GTF2H2C: variants seen among roughly 807,000 people sequenced by gnomAD.
GTF2H2C encodes general transcription factor IIH subunit 2-like protein.
Under a neutral mutation model 24.8 loss-of-function variants are expected in GTF2H2C, and 5 were observed. That is an observed-to-expected ratio of 0.20 (90% confidence interval 0.11 to 0.42). GTF2H2C has a LOEUF of 0.42. GTF2H2C is among the 20% of genes least tolerant of loss of function. The pLI is 1.00. For missense variants in GTF2H2C, 45 were observed against 169.8 expected (o/e 0.27, Z 4.08); for synonymous variants, 14 against 52.6 (o/e 0.27, Z 3.18).
rs1200031326 is a variant in GTF2H2C, at chr5:69,593,685, C to G, written c.*1487C>G. 7.5e-4 allele frequency: 13 copies of G among 17,312 alleles called. No individual in the cohort carries two copies. Among genetic ancestry groups the G allele is most frequent in the Admixed American group, 1.3e-3 (2 of 1,588 alleles). The allele number at this position is 17,312 out of a possible 1,614,324, so 1.1% of individuals were successfully genotyped here. ...GGCGCGGTGGCTCACGCCTGTAATCCTAGCACTTTGGGAGGCCGAGGCGGG... is the reference window on the plus strand; with the variant it reads ...GGCGCGGTGGCTCACGCCTGTAATCGTAGCACTTTGGGAGGCCGAGGCGGG... On this transcript the variant is annotated 3_prime_UTR_variant, in exon 17 of 17. Transcript: ENST00000380729.
rs4081993 is a variant in GTF2H2C at position 69,560,289 on chromosome 5, C to T, written c.-246C>T. On this transcript the variant is annotated 5_prime_UTR_variant, in exon 1 of 17. Transcript: ENST00000380729. ...TGTGAGGCGCAGAGGTGGGGCAGGC[C>T]GTCTGACTAGCTAGGCGGCTGGGAG... 18,291 of 152,122 alleles carry T rather than the reference C, an allele frequency of 0.12. 1,245 individuals carry two copies. The highest frequency in any genetic ancestry group is 0.16 in the Admixed American group (2,447 of 15,270). 9.4% of individuals were successfully genotyped at this position (152,122 alleles called of 1,614,324 possible). A position where few individuals can be genotyped will look rare whatever the true frequency, so the allele number is the denominator to read the frequency against.
chr5:69,563,509 T>G (rs535616910), intron 2 of GTF2H2C, among the ~76,000 whole-genome samples: 123 of 150,378 alleles, frequency 8.2e-4, no homozygotes, highest in Middle Eastern at 3.4e-3. Context: ...CCACTGCACC[T>G]GGCCCTGGCC....
chr5:69,563,836 G>C (rs752705378), intron 2 of GTF2H2C, among the ~76,000 whole-genome samples: 43 of 152,008 alleles, frequency 2.8e-4, no homozygotes, highest in African/African-American at 6.3e-4. Context: ...GCAGTGGCAC[G>C]ATCTCGGCTC....
rs779761105 is a variant in GTF2H2C at position 69,573,145 on chromosome 5, TACACACACAC to T, written c.470+624_470+633del. Among the ~76,000 whole-genome samples, 117 of 117,446 alleles carry T rather than the reference TACACACACAC, an allele frequency of 1.0e-3. No individual in the cohort carries two copies. The East Asian group carries it at 0.013, about 13-fold the overall frequency. 77.0% of individuals were successfully genotyped at this position (117,446 alleles called of 152,430 possible). On this transcript the variant is annotated intron_variant, in intron 9 of 16. Transcript: ENST00000380729. ...TTAAAGCTTATATATCTATTATATATACACACACACACACACACACACACACACACACACA... is the reference window on the plus strand; with the variant it reads ...TTAAAGCTTATATATCTATTATATATACACACACACACACACACACACACA...
intron 15 of GTF2H2C, among the ~76,000 whole-genome samples, chr5:69,589,860 T>A (rs1355832803): frequency 1.0e-4 from 14 of 134,046 alleles, no homozygotes; most frequent in South Asian, 2.6e-4. Flanking sequence ...AATTTTTTTT[T>A]AAATTATTGC....
intron 16 of GTF2H2C, among the ~76,000 whole-genome samples, chr5:69,591,562 CAT>C (rs1313077569): frequency 8.6e-5 from 13 of 151,520 alleles, no homozygotes; most frequent in Admixed American, 2.0e-4. Flanking sequence ...AGCAAGTACT[CAT>C]ATATGTAATG....
intron 9 of GTF2H2C, chr5:69,577,825 T>C: frequency 1.2e-5 from 1 of 85,042 alleles, no homozygotes. Context: ...TATGCCTGTA[T>C]AGGGAAAAAC....
intron 9 of GTF2H2C, among the ~76,000 whole-genome samples, chr5:69,573,267 C>T (rs930628272): frequency 1.5e-5 from 2 of 129,310 alleles, no homozygotes; most frequent in African/African-American, 5.8e-5. Flanking sequence ...CTCACTACAA[C>T]CTCCACCTCT....
At chr5:69,563,600 T>G (rs1432177259) in intron 2 of GTF2H2C, among the ~76,000 whole-genome samples, 1 of 152,024 alleles carries the variant, frequency 6.6e-6, no homozygotes, top group Non-Finnish European at 1.5e-5. Flanking sequence ...ATAAATTGCT[T>G]GTTGTTGAGG....
At chr5:69,560,958 A>G (rs1267215431) in intron 1 of GTF2H2C, among the ~76,000 whole-genome samples, 2 of 151,770 alleles carry the variant, frequency 1.3e-5, no homozygotes, top group Non-Finnish European at 2.9e-5. Context: ...GGGTTTCACC[A>G]TGTTGGCTAG....
intron 4 of GTF2H2C, 128 bp downstream of exon 4, chr5:69,566,336 A>T: frequency 1.5e-6 from 2 of 1,298,478 alleles, no homozygotes; most frequent in Non-Finnish European, 2.1e-6. Flanking sequence ...CCTTCTGACT[A>T]TGGGGAAAGA....
chr5:69,575,704 T>TA (rs1180573934), intron 9 of GTF2H2C, among the ~76,000 whole-genome samples: 38 of 28,536 alleles, frequency 1.3e-3, no homozygotes, highest in Middle Eastern at 0.018. Context: ...CGTCTCAAAA[T>TA]AAAAAAAAAA....
At position 69,563,099 on chromosome 5, in the gene GTF2H2C, G is replaced by A. The variant is rs542301282; in HGVS notation, c.-34+329G>A. Among the ~76,000 whole-genome samples, 215 of 149,414 alleles carry A rather than the reference G, an allele frequency of 1.4e-3. 1 individual carries two copies. Among genetic ancestry groups the A allele is most frequent in the Non-Finnish European group, 1.8e-3 (121 of 67,452 alleles). ...CCAGTAGCTGGGATTACAGGGGCCCGCTCCCACCAACCTCCTAGCTAATTT... is the reference window on the plus strand; with the variant it reads ...CCAGTAGCTGGGATTACAGGGGCCCACTCCCACCAACCTCCTAGCTAATTT... On this transcript the variant is annotated intron_variant, in intron 2 of 16. Transcript: ENST00000380729.
At chr5:69,581,292 A>G (rs1289996901) in intron 12 of GTF2H2C, among the ~76,000 whole-genome samples, 342 of 126,468 alleles carry the variant, frequency 2.7e-3, no homozygotes, top group African/African-American at 9.3e-3. Flanking sequence ...TTTTAATAGA[A>G]AAATAATCTC....
intron 2 of GTF2H2C, among the ~76,000 whole-genome samples, chr5:69,563,649 A>G (rs887734067): frequency 1.5e-4 from 23 of 152,028 alleles, no homozygotes; most frequent in Non-Finnish European, 2.9e-4. Flanking sequence ...GGTAGTAAAC[A>G]TAGTACCTGA....
chr5:69,571,477 G>A (rs1294587597), intron 8 of GTF2H2C, among the ~76,000 whole-genome samples: 1 of 78,010 alleles, frequency 1.3e-5, no homozygotes, highest in Non-Finnish European at 3.3e-5. Flanking sequence ...ACACAGCCTC[G>A]TCTGTTTGTG....
rs1770973221 is a variant in GTF2H2C, at chr5:69,569,695, T to A, written c.364+1488T>A. The A allele has an allele frequency of 2.4e-5, 2 of 82,722 alleles. 1 individual carries two copies. The highest frequency in any genetic ancestry group is 1.3e-3 in the South Asian group (2 of 1,538). 5.1% of individuals were successfully genotyped at this position (82,722 alleles called of 1,614,324 possible). Reference sequence around the variant, plus strand: ...GCAGTTTTCTATTGCTTCTTTTTTTTTTTTTTGAGAAGGAGTCTCTCACTC... The same window carrying A: ...GCAGTTTTCTATTGCTTCTTTTTTTATTTTTTGAGAAGGAGTCTCTCACTC... On this transcript the variant is annotated intron_variant, in intron 8 of 16. Transcript: ENST00000380729.
At chr5:69,561,179 C>T (rs1770312567) in intron 1 of GTF2H2C, among the ~76,000 whole-genome samples, 1 of 151,918 alleles carries the variant, frequency 6.6e-6, no homozygotes, top group Admixed American at 6.6e-5. Context: ...ATCAGACTTC[C>T]CATTGAACGT....
intron 9 of GTF2H2C, among the ~76,000 whole-genome samples, chr5:69,575,704 TA>T (rs1180573934): frequency 9.8e-4 from 28 of 28,520 alleles, no homozygotes; most frequent in Admixed American, 1.5e-3. Context: ...CGTCTCAAAA[TA>T]AAAAAAAAAA....
Sources: gnomAD v4.1 joint callset for allele counts (sites outside exome capture counted in the v4.1 genomes callset) on GRCh38, gnomAD v4.1.1 for gene constraint, MANE v1.5 for transcripts, NCBI Gene and HGNC (gene_info 2026-07-23, HGNC 2026-07-21) for gene names.